RCCD1: variants seen among roughly 807,000 people sequenced by gnomAD.
RCCD1 encodes RCC1 domain containing 1.
A neutral mutation model predicts 37.6 loss-of-function variants in RCCD1; 40 were observed. The ratio of observed to expected loss-of-function variants is 1.06; its 90% CI spans 0.83 to 1.39. RCCD1 has a LOEUF of 1.39. Among genes scored for constraint, RCCD1 ranks in the 40% most tolerant of loss-of-function variants. The pLI is 0.00. For missense variants in RCCD1, 577 were observed against 517.3 expected (o/e 1.12, Z -1.12); for synonymous variants, 263 against 230.0 (o/e 1.14, Z -1.30).
At chr15:90,959,007 C>T (rs73500800) in intron 4 of RCCD1, among the ~76,000 whole-genome samples, 2 of 151,816 alleles carry the variant, frequency 1.3e-5, no homozygotes, top group Non-Finnish European at 2.9e-5. Context: ...TGGAAACAGC[C>T]CAGTGGGACG....
In RCCD1 at chr15:90,961,983, AAATCAATG is replaced by A. The variant is rs936366122; in HGVS notation, c.*217_*224del. ...AAGGTCAGCATCAATCAAAACAATG[AAATCAATG>A]AAACAATGAAACCAGAGCTTCTAGG... On this transcript the variant is annotated 3_prime_UTR_variant, in exon 8 of 8. Transcript: ENST00000394258. 4.0e-5 allele frequency: 15 copies of A among 370,746 alleles called. No individual in the cohort carries two copies. The highest frequency in any genetic ancestry group is 2.5e-4 in the African/African-American group (12 of 48,666). The allele number at this position is 370,746 out of a possible 1,614,324, so 23.0% of individuals were successfully genotyped here.
At chr15:90,958,259 G>C (rs1256538842) in intron 4 of RCCD1, among the ~76,000 whole-genome samples, 2 of 152,168 alleles carry the variant, frequency 1.3e-5, no homozygotes, top group African/African-American at 4.8e-5. Context: ...GTGAGGCTGG[G>C]AACAGATGAT....
rs1433483171 is a variant in RCCD1, at chr15:90,957,628, C to G, written c.582C>G (p.Thr194=). Reference sequence around the variant, plus strand: ...GGCATGGACAGCTGGGCCATGGGACCCTGGAGGCAGAGCTGGAGCCACGGC... The same window carrying G: ...GGCATGGACAGCTGGGCCATGGGACGCTGGAGGCAGAGCTGGAGCCACGGC... ...GGRHGQLGHG[T]LEAELEPRLL... The change falls in exon 4 of 8, where the codon ACC becomes ACG. Residue 194 remains threonine (T), a synonymous_variant. Transcript: ENST00000394258. The G allele has an allele frequency of 6.2e-7, 1 of 1,614,134 alleles. No individual in the cohort carries two copies. Among genetic ancestry groups the G allele is most frequent in the East Asian group, 2.2e-5 (1 of 44,882 alleles).
chr15:90,961,202 T>A lies in RCCD1; in HGVS notation c.979+148T>A, dbSNP rs1366446730. On this transcript the variant is annotated intron_variant, in intron 7 of 7. Coordinates refer to ENST00000394258, the MANE Select transcript of RCCD1 (RefSeq NM_001017919.2). The stretch of plus-strand genomic sequence containing the variant: ...GAACAGGACTGCTCCCTCCCTGGGG[T>A]TGGAACAGACATAGGCGCGCTCAGT... 22 of 754,256 alleles carry A rather than the reference T, an allele frequency of 2.9e-5. No homozygotes were observed. In the East Asian group the frequency reaches 5.6e-4, roughly 19 times the overall value. The allele number at this position is 754,256 out of a possible 1,614,324, so 46.7% of individuals were successfully genotyped here.
Position 90,957,584 on chromosome 15 carries a change from C to G in RCCD1, c.558-20C>G, listed in dbSNP as rs200970918. On this transcript the variant is annotated intron_variant, in intron 3 of 7. Coordinates refer to ENST00000394258, the MANE Select transcript of RCCD1 (RefSeq NM_001017919.2). The stretch of plus-strand genomic sequence containing the variant: ...GACCCCTTAATGCGACTGTAGCTGA[C>G]GACGGTCTCCCTTGCTCAGGCATGG... The G allele has an allele frequency of 1.4e-4, 228 of 1,613,712 alleles. No homozygotes were observed. The highest frequency in any genetic ancestry group is 1.8e-4 in the Non-Finnish European group (215 of 1,179,982).
At position 90,956,712 on chromosome 15, in the gene RCCD1, C is replaced by T; in HGVS notation, c.-23C>T. 1.6e-6 allele frequency: 2 copies of T among 1,271,564 alleles called. No homozygotes were observed. Among genetic ancestry groups the T allele is most frequent in the Non-Finnish European group, 2.0e-6 (2 of 1,009,052 alleles). The allele number at this position is 1,271,564 out of a possible 1,614,324, so 78.8% of individuals were successfully genotyped here. The stretch of plus-strand genomic sequence containing the variant: ...CGGGCCCGCCGCAGCCAGGCGGCGG[C>T]CGGCAGAGGGCGCTGCTCGGGCATG... On this transcript the variant is annotated 5_prime_UTR_variant, in exon 2 of 8. Coordinates refer to ENST00000394258, the MANE Select transcript of RCCD1 (RefSeq NM_001017919.2).
intron 6 of RCCD1, 149 bp downstream of exon 6, chr15:90,960,647 T>A: frequency 1.4e-6 from 1 of 721,844 alleles, no homozygotes; most frequent in Non-Finnish European, 2.2e-6. Context: ...CCCCTTGTTG[T>A]TTCACAGTAG....
intron 3 of RCCD1, 35 bp downstream of exon 3, chr15:90,957,538 T>C (rs372288046): frequency 2.9e-5 from 46 of 1,603,330 alleles, no homozygotes; most frequent in African/African-American, 6.7e-5. Context: ...GGGCTGCTGA[T>C]TGGAGAAGCA....
intron 1 of RCCD1, 140 bp from the exon 2 acceptor site, chr15:90,956,472 A>T (rs1284073220): frequency 2.5e-5 from 9 of 364,426 alleles, no homozygotes; most frequent in Non-Finnish European, 4.4e-5. Flanking sequence ...GCCAAAAGGG[A>T]GGACAGGGAA....
chr15:90,956,997 G>T (rs1001061196), intron 2 of RCCD1, 97 bp downstream of exon 2: 2 of 1,283,436 alleles, frequency 1.6e-6, no homozygotes, highest in Admixed American at 4.1e-5. Context: ...CCCCCGTTCA[G>T]GCCGCCAGCC....
chr15:90,960,764 G>A, intron 6 of RCCD1: 1 of 612,436 alleles, frequency 1.6e-6, no homozygotes. Flanking sequence ...CGCCGCCTCT[G>A]ACAGCAGGGA....
At chr15:90,959,719 TTGAGGGGATG>T in intron 4 of RCCD1, 171 bp from the exon 5 acceptor site, 1 of 483,312 alleles carries the variant, frequency 2.1e-6, no homozygotes, top group South Asian at 4.0e-5. Context: ...TCTGAAGGCA[TTGAGGGGATG>T]TGAACCTAAG....
In RCCD1 at chr15:90,956,795, CTGGGCTCCGGACGCGGGCGCCAGGT is replaced by C; in HGVS notation, c.62_86del (p.Leu21ArgfsTer16). ...CGGTTTCTGCGGCTTCGGGCAGGAG[CTGGGCTCCGGACGCGGGCGCCAGGT>C]GCACAGCCCCAGTCCGCTGCGGGCG... On this transcript the variant is annotated frameshift_variant, in exon 2 of 8. Coordinates refer to ENST00000394258, the MANE Select transcript of RCCD1 (RefSeq NM_001017919.2). LOFTEE classifies it high-confidence loss of function. 7.6e-7 allele frequency: 1 copy of C among 1,320,210 alleles called. No homozygotes were observed. The highest frequency in any genetic ancestry group is 9.7e-7 in the Non-Finnish European group (1 of 1,034,840). The allele number at this position is 1,320,210 out of a possible 1,614,324, so 81.8% of individuals were successfully genotyped here.
rs1222540222 is a variant in RCCD1 at position 90,957,811 on chromosome 15, C to T, written c.679+86C>T. 10 of 1,492,232 alleles carry T rather than the reference C, an allele frequency of 6.7e-6. No homozygotes were observed. In the East Asian group the frequency reaches 1.8e-4, roughly 27 times the overall value. 92.4% of individuals were successfully genotyped at this position (1,492,232 alleles called of 1,614,324 possible). ...TTTCCAGTTTGGGTGGGGGCCTACCCAGGCCTCCTTCCAAATTCATCCATC... is the reference window on the plus strand; with the variant it reads ...TTTCCAGTTTGGGTGGGGGCCTACCTAGGCCTCCTTCCAAATTCATCCATC... On this transcript the variant is annotated intron_variant, in intron 4 of 7. Coordinates refer to ENST00000394258, the MANE Select transcript of RCCD1 (RefSeq NM_001017919.2).
Position 90,961,738 on chromosome 15 carries a change from A to T in RCCD1, c.1100A>T (p.Tyr367Phe). 1 of 1,614,096 alleles carries T rather than the reference A, an allele frequency of 6.2e-7. No homozygotes were observed. The highest frequency in any genetic ancestry group is 1.3e-5 in the African/African-American group (1 of 75,020). ...GTCACCTGTGGGCCGTGGAACACCT[A>T]CGTGTATGCTGTGGAGAAAGGGAAG... ...KAVTCGPWNT[Y>F]VYAVEKGKS is the part of the protein sequence containing the mutation. Residue 367 changes from tyrosine to phenylalanine, a missense_variant, in exon 8 of 8, where the codon TAC (tyrosine) becomes TTC (phenylalanine). Coordinates refer to ENST00000394258, the MANE Select transcript of RCCD1 (RefSeq NM_001017919.2).
At position 90,961,899 on chromosome 15, in the gene RCCD1, G is replaced by C. The variant is rs987659968; in HGVS notation, c.*130G>C. On this transcript the variant is annotated 3_prime_UTR_variant, in exon 8 of 8. Coordinates refer to ENST00000394258, the MANE Select transcript of RCCD1 (RefSeq NM_001017919.2). ...AGTCCTGCCCTTCACCCTCAAGCAC[G>C]GTCCTAAACTTGTCTGCACTTTAGA... 16 of 850,964 alleles carry C rather than the reference G, an allele frequency of 1.9e-5. No individual in the cohort carries two copies. In the African/African-American group the frequency reaches 2.6e-4, roughly 14 times the overall value. The allele number at this position is 850,964 out of a possible 1,614,324, so 52.7% of individuals were successfully genotyped here.
chr15:90,956,947 A>G (rs1464545902), intron 2 of RCCD1, 47 bp downstream of exon 2: 2 of 1,266,458 alleles, frequency 1.6e-6, no homozygotes, highest in Non-Finnish European at 2.0e-6. Flanking sequence ...CGCGCTCCCC[A>G]GTCGCCTCCC....
intron 5 of RCCD1, 157 bp downstream of exon 5, chr15:90,960,155 C>T (rs1287545622): frequency 4.3e-6 from 4 of 921,640 alleles, no homozygotes; most frequent in Middle Eastern, 3.3e-4. Flanking sequence ...GGTCTTGGCA[C>T]AACACACTTG....
In RCCD1 at chr15:90,956,749, G is replaced by T. The variant is rs1459576591; in HGVS notation, c.15G>T (p.Arg5=). 2 of 1,322,898 alleles carry T rather than the reference G, an allele frequency of 1.5e-6. No homozygotes were observed. The highest frequency in any genetic ancestry group is 3.1e-5 in the Admixed American group (1 of 31,830). 81.9% of individuals were successfully genotyped at this position (1,322,898 alleles called of 1,614,324 possible). MAEE[R]PGAWFGFGFC... ...GCTGCTCGGGCATGGCGGAGGAGCGGCCGGGGGCCTGGTTCGGCTTCGGTT... is the reference window on the plus strand; with the variant it reads ...GCTGCTCGGGCATGGCGGAGGAGCGTCCGGGGGCCTGGTTCGGCTTCGGTT... The change falls in exon 2 of 8, where the codon CGG becomes CGT. Residue 5 remains arginine, a synonymous_variant. Transcript: ENST00000394258.
Sources: gnomAD v4.1 joint callset for allele counts (sites outside exome capture counted in the v4.1 genomes callset) on GRCh38, gnomAD v4.1.1 for gene constraint, MANE v1.5 for transcripts, NCBI Gene and HGNC (gene_info 2026-07-23, HGNC 2026-07-21) for gene names.